STAG1: variants seen among roughly 807,000 people sequenced by gnomAD.
STAG1 encodes the protein cohesin subunit SA-1.
STAG1 carries 26 observed loss-of-function variants against 170.9 expected under a neutral mutation model. That is an observed-to-expected ratio of 0.15 (90% CI 0.11 to 0.21). The LOEUF (loss-of-function observed/expected upper bound fraction) is 0.21, where lower values mean the gene tolerates loss of function less well. STAG1 is among the 10% of genes least tolerant of loss of function. The pLI is 1.00. For synonymous variants in STAG1, 514 were observed against 497.7 expected, an observed-to-expected ratio of 1.03 and a Z score of -0.44; for missense variants, 964 against 1,509.5, an observed-to-expected ratio of 0.64 and a Z score of 5.99.
chr3:136,509,587 G>A (rs1933946275), intron 7 of STAG1, among the ~76,000 whole-genome samples: 1 of 151,880 alleles, frequency 6.6e-6, no homozygotes, highest in Non-Finnish European at 1.5e-5. Context: ...AATCTAAGTG[G>A]GAAAAATAAA....
chr3:136,415,889 T>C lies in STAG1; in HGVS notation c.2196+1996A>G, dbSNP rs188174396. Among the ~76,000 whole-genome samples the C allele has an allele frequency of 3.4e-3, 513 of 152,306 alleles. 1 individual carries two copies. The highest frequency in any genetic ancestry group is 4.2e-3 in the Non-Finnish European group (287 of 68,018). ...GTATTTTCAACAGTATCTTAAGAGA[T>C]ATTTCTCAGAGCTGCTAAAATGAAC... is the stretch of plus-strand genomic sequence containing the variant. On this transcript the variant is annotated intron_variant, in intron 21 of 33. Transcript: ENST00000383202.
intron 1 of STAG1, among the ~76,000 whole-genome samples, chr3:136,671,310 C>CAA (rs1033890332): frequency 2.9e-4 from 44 of 151,880 alleles, no homozygotes; most frequent in Non-Finnish European, 8.8e-5. Flanking sequence ...CACACACACA[C>CAA]ACAAAAAATC....
At chr3:136,391,656 T>C (rs1422132969) in intron 22 of STAG1, among the ~76,000 whole-genome samples, 1 of 152,204 alleles carries the variant, frequency 6.6e-6, no homozygotes, top group Admixed American at 6.5e-5. Flanking sequence ...ATTACAGGCG[T>C]AAGCCACCAT....
At chr3:136,632,153 C>A (rs1173835265) in intron 1 of STAG1, among the ~76,000 whole-genome samples, 1 of 152,056 alleles carries the variant, frequency 6.6e-6, no homozygotes, top group Non-Finnish European at 1.5e-5. Context: ...GAATTACATA[C>A]CAAGTGATAA....
intron 3 of STAG1, among the ~76,000 whole-genome samples, chr3:136,621,594 T>C (rs944768276): frequency 6.6e-6 from 1 of 152,192 alleles, no homozygotes; most frequent in Non-Finnish European, 1.5e-5. Context: ...GTTACTATAC[T>C]GCATGTCTTC....
At chr3:136,695,083 T>C (rs1452981218) in intron 1 of STAG1, among the ~76,000 whole-genome samples, 1 of 152,196 alleles carries the variant, frequency 6.6e-6, no homozygotes, top group East Asian at 1.9e-4. Flanking sequence ...TATGTCCAAT[T>C]TAGACTGTTT....
intron 7 of STAG1, chr3:136,518,488 C>T: frequency 1.5e-6 from 1 of 661,842 alleles, no homozygotes; most frequent in Non-Finnish European, 2.7e-6. Context: ...AAGAAGAGGG[C>T]AAAGATGAGA....
intron 13 of STAG1, among the ~76,000 whole-genome samples, chr3:136,457,969 CA>C (rs1392124440): frequency 6.6e-6 from 1 of 151,868 alleles, no homozygotes; most frequent in East Asian, 1.9e-4. Flanking sequence ...AAAAAAACCC[CA>C]AAACAAACTG....
intron 22 of STAG1, among the ~76,000 whole-genome samples, 197 bp from the exon 23 acceptor site, chr3:136,377,949 T>C (rs1269607800): frequency 6.6e-6 from 1 of 152,220 alleles, no homozygotes; most frequent in Non-Finnish European, 1.5e-5. Flanking sequence ...ACACTGACAC[T>C]CTAAAACAGT....
intron 1 of STAG1, among the ~76,000 whole-genome samples, chr3:136,681,868 T>C (rs1942347494): frequency 6.6e-6 from 1 of 151,998 alleles, no homozygotes; most frequent in Admixed American, 6.6e-5. Flanking sequence ...ATAAAGGAAA[T>C]TTTTTCAATA....
intron 7 of STAG1, among the ~76,000 whole-genome samples, chr3:136,508,050 G>A (rs766376984): frequency 6.6e-6 from 1 of 152,180 alleles, no homozygotes; most frequent in Non-Finnish European, 1.5e-5. Flanking sequence ...ACTGAGTGGA[G>A]AGAGTGAATA....
At chr3:136,494,662 T>C (rs1391791323) in intron 9 of STAG1, among the ~76,000 whole-genome samples, 1 of 151,988 alleles carries the variant, frequency 6.6e-6, no homozygotes, top group Non-Finnish European at 1.5e-5. Flanking sequence ...TATATTAATA[T>C]AATAAAAGAA....
At chr3:136,391,508 C>T (rs746662385) in intron 22 of STAG1, among the ~76,000 whole-genome samples, 1 of 151,960 alleles carries the variant, frequency 6.6e-6, no homozygotes, top group Non-Finnish European at 1.5e-5. Flanking sequence ...TCCCAAGTAG[C>T]TGGGACTACA....
intron 20 of STAG1, among the ~76,000 whole-genome samples, chr3:136,420,351 ATTT>A (rs1327402037): frequency 6.6e-6 from 1 of 151,678 alleles, no homozygotes; most frequent in Non-Finnish European, 1.5e-5. Flanking sequence ...TAAAATTCCC[ATTT>A]TTTAAAAAAC....
intron 21 of STAG1, among the ~76,000 whole-genome samples, chr3:136,400,879 C>T (rs1434352459): frequency 6.6e-6 from 1 of 152,158 alleles, no homozygotes; most frequent in Non-Finnish European, 1.5e-5. Flanking sequence ...AAGAGTAGCA[C>T]TGTTTTACAT....
At chr3:136,726,535 T>A (rs1323956032) in intron 1 of STAG1, among the ~76,000 whole-genome samples, 2 of 152,210 alleles carry the variant, frequency 1.3e-5, no homozygotes, top group Non-Finnish European at 2.9e-5. Flanking sequence ...GTGATTCTCC[T>A]GCCTCAGTCT....
chr3:136,698,738 T>C (rs1017207755), intron 1 of STAG1, among the ~76,000 whole-genome samples: 7 of 152,262 alleles, frequency 4.6e-5, no homozygotes, highest in Non-Finnish European at 8.8e-5. Context: ...AGTCATTATA[T>C]GAAAAAGACA....
At chr3:136,713,174 A>G (rs1576798272) in intron 1 of STAG1, among the ~76,000 whole-genome samples, 2 of 152,358 alleles carry the variant, frequency 1.3e-5, no homozygotes, top group South Asian at 4.1e-4. Context: ...CATCAAGAAT[A>G]GAATGGATAA....
chr3:136,551,149 T>G (rs1936362059), intron 5 of STAG1, among the ~76,000 whole-genome samples: 1 of 150,040 alleles, frequency 6.7e-6, no homozygotes, highest in African/African-American at 2.5e-5. Flanking sequence ...GGTATCTACA[T>G]AAATTTTTTT....
Sources: allele counts gnomAD v4.1 joint callset (sites outside exome capture counted in the v4.1 genomes callset), GRCh38; gene constraint gnomAD v4.1.1; transcripts MANE v1.5; gene names NCBI Gene and HGNC (gene_info 2026-07-23, HGNC 2026-07-21).